FAM184B: variants seen among roughly 807,000 people sequenced by gnomAD.
FAM184B encodes protein FAM184B.
In FAM184B, 111 loss-of-function variants were observed where a neutral mutation model predicts 135.9. The ratio of observed to expected loss-of-function variants is 0.82; its 90% confidence interval spans 0.70 to 0.96. The LOEUF is 0.96. Ranked by LOEUF, FAM184B falls within the 40% of genes least tolerant of loss-of-function variation. The pLI is 0.00. For missense variants in FAM184B, 1,375 were observed against 1,323.9 expected (o/e 1.04, Z -0.60); for synonymous variants, 552 against 524.8 (o/e 1.05, Z -0.71).
chr4:17,763,510 T>C lies in FAM184B; in HGVS notation c.141+17649A>G, dbSNP rs573491301. ...ATTTGATAGGCTTCCTTGGGACAAA[T>C]AGGCCCCGCTCCAGGGGTCTAGGAC... On this transcript the variant is annotated intron_variant, in intron 1 of 17. Coordinates refer to ENST00000265018, the MANE Select transcript of FAM184B (RefSeq NM_015688.2). Among the ~76,000 whole-genome samples, 4 of 152,236 alleles carry C rather than the reference T, an allele frequency of 2.6e-5. No homozygotes were observed. In the South Asian group the frequency reaches 6.2e-4, roughly 24 times the overall value.
At chr4:17,690,968 T>G (rs1716718709) in intron 6 of FAM184B, among the ~76,000 whole-genome samples, 1 of 152,128 alleles carries the variant, frequency 6.6e-6, no homozygotes, top group Admixed American at 6.6e-5. Flanking sequence ...TGGGGACAGA[T>G]TGTAGCATCA....
chr4:17,634,409 C>T (rs3846358), intron 16 of FAM184B, among the ~76,000 whole-genome samples: 79,934 of 152,018 alleles, frequency 0.53, 23,653 homozygotes, highest in East Asian at 0.88. Context: ...CTGCAACCTC[C>T]GCCTCCTGGG....
chr4:17,699,834 G>A (rs1014153840), intron 5 of FAM184B, among the ~76,000 whole-genome samples: 7 of 152,010 alleles, frequency 4.6e-5, no homozygotes, highest in African/African-American at 1.2e-4. Context: ...ATGGTTGTCC[G>A]TTTAAGCAAA....
intron 1 of FAM184B, among the ~76,000 whole-genome samples, chr4:17,718,132 G>C (rs1717437916): frequency 6.6e-6 from 1 of 152,276 alleles, no homozygotes; most frequent in South Asian, 2.1e-4. Context: ...GGAGAGTTTT[G>C]TTTGGAGATC....
intron 16 of FAM184B, among the ~76,000 whole-genome samples, chr4:17,634,721 A>G (rs1299675311): frequency 6.6e-6 from 1 of 152,226 alleles, no homozygotes; most frequent in Non-Finnish European, 1.5e-5. Flanking sequence ...ATGTACAGAA[A>G]TAGTTAAGAA....
intron 1 of FAM184B, among the ~76,000 whole-genome samples, chr4:17,776,160 G>T (rs73239862): frequency 2.0e-5 from 3 of 152,186 alleles, no homozygotes; most frequent in Non-Finnish European, 4.4e-5. Flanking sequence ...CAGGTGTAAA[G>T]TATTATGAAT....
At chr4:17,636,412 T>TA (rs1402328545) in intron 15 of FAM184B, 116 bp downstream of exon 15, 1 of 818,494 alleles carries the variant, frequency 1.2e-6, no homozygotes, top group African/African-American at 1.7e-5. Context: ...AAGAAAGGAT[T>TA]CTTTGTAAGA....
At chr4:17,703,787 T>C (rs533574029) in intron 5 of FAM184B, among the ~76,000 whole-genome samples, 145 of 151,900 alleles carry the variant, frequency 9.5e-4, no homozygotes, top group African/African-American at 3.2e-3. Context: ...AAAAATTAGC[T>C]GGGTGTGGTG....
chr4:17,736,244 G>A lies in FAM184B; in HGVS notation c.142-26600C>T, dbSNP rs188497836. Among the ~76,000 whole-genome samples the A allele has an allele frequency of 2.4e-4, 36 of 152,228 alleles. No individual in the cohort carries two copies. In the East Asian group the frequency reaches 5.4e-3, roughly 23 times the overall value. On this transcript the variant is annotated intron_variant, in intron 1 of 17. Transcript: ENST00000265018. The stretch of plus-strand genomic sequence containing the variant: ...AACAACAGAACTAGGATTCTGTTCC[G>A]TCTGACTCCACAGCCTGTGTTCTTA...
intron 13 of FAM184B, among the ~76,000 whole-genome samples, chr4:17,641,721 A>C (rs1715322399): frequency 7.6e-6 from 1 of 131,592 alleles, no homozygotes; most frequent in Admixed American, 8.9e-5. Context: ...GCTGGTCTCG[A>C]ATTCCTGACC....
intron 7 of FAM184B, among the ~76,000 whole-genome samples, chr4:17,670,136 C>T (rs576530537): frequency 6.6e-6 from 1 of 152,182 alleles, no homozygotes; most frequent in East Asian, 1.9e-4. Flanking sequence ...AACTCTGGGA[C>T]ACAGATAAGA....
At position 17,631,418 on chromosome 4, in the gene FAM184B, G is replaced by GC. The variant is rs777834784; in HGVS notation, c.*1113dup. ...GGCCTCAAGCTCTCCTCCCATCTCA[G>GC]CCTCCCAAAGTGTTGGGATTACAGG... is the stretch of plus-strand genomic sequence containing the variant. On this transcript the variant is annotated 3_prime_UTR_variant, in exon 18 of 18. Coordinates refer to ENST00000265018, the MANE Select transcript of FAM184B (RefSeq NM_015688.2). 2.0e-5 allele frequency: 3 copies of GC among 152,196 alleles called. No individual in the cohort carries two copies. The highest frequency in any genetic ancestry group is 2.9e-5 in the Non-Finnish European group (2 of 68,122). The allele number at this position is 152,196 out of a possible 1,614,324, so 9.4% of individuals were successfully genotyped here. A position where few individuals can be genotyped will look rare whatever the true frequency, so the allele number is the denominator to read the frequency against.
At position 17,666,469 on chromosome 4, in the gene FAM184B, C is replaced by CTTTTTTT. The variant is rs386399397; in HGVS notation, c.1597-1817_1597-1811dup. On this transcript the variant is annotated intron_variant, in intron 7 of 17. Coordinates refer to ENST00000265018, the MANE Select transcript of FAM184B (RefSeq NM_015688.2). Reference sequence around the variant, plus strand: ...CAGGTGCATGCCACTGTGCCTGGTTCTTTTTTTTTTTTTTTTTTTTTTTTT... The same window carrying CTTTTTTT: ...CAGGTGCATGCCACTGTGCCTGGTTCTTTTTTTTTTTTTTTTTTTTTTTTTTTTTTTT... 3.3e-4 allele frequency among the ~76,000 whole-genome samples: 19 copies of CTTTTTTT among 57,136 alleles called. 1 individual carries two copies. The highest frequency in any genetic ancestry group is 4.1e-4 in the Non-Finnish European group (14 of 34,170). The allele number at this position is 57,136 out of a possible 152,430, so 37.5% of individuals were successfully genotyped here.
intron 1 of FAM184B, among the ~76,000 whole-genome samples, chr4:17,750,286 G>A (rs1399476938): frequency 6.6e-6 from 1 of 152,032 alleles, no homozygotes; most frequent in Non-Finnish European, 1.5e-5. Context: ...TTTACTGTTG[G>A]CAAAAATCAT....
At chr4:17,721,114 G>A (rs1374191181) in intron 1 of FAM184B, among the ~76,000 whole-genome samples, 1 of 151,530 alleles carries the variant, frequency 6.6e-6, no homozygotes, top group African/African-American at 2.4e-5. Context: ...GCTGGGCGCG[G>A]TGGCTTACGC....
intron 1 of FAM184B, among the ~76,000 whole-genome samples, chr4:17,756,485 A>T (rs899655631): frequency 6.6e-6 from 1 of 152,228 alleles, no homozygotes; most frequent in Admixed American, 6.5e-5. Flanking sequence ...TGGAGGATGT[A>T]AGGAAAATAA....
At chr4:17,634,883 G>T in intron 16 of FAM184B, 126 bp downstream of exon 16, 1 of 572,978 alleles carries the variant, frequency 1.7e-6, no homozygotes, top group African/African-American at 2.1e-5. Flanking sequence ...TAAACAAGTG[G>T]GTTTTTTTTT....
chr4:17,780,647 C>T (rs1055416723), intron 1 of FAM184B, among the ~76,000 whole-genome samples: 2 of 152,104 alleles, frequency 1.3e-5, no homozygotes, highest in Non-Finnish European at 2.9e-5. Flanking sequence ...CTCCTACACA[C>T]GTCTGCACCC....
chr4:17,649,393 G>A (rs1409114067), intron 11 of FAM184B, among the ~76,000 whole-genome samples: 2 of 151,564 alleles, frequency 1.3e-5, no homozygotes, highest in African/African-American at 2.4e-5. Context: ...GACCATACTG[G>A]CTAACATGGT....
Sources: gnomAD v4.1 joint callset for allele counts (sites outside exome capture counted in the v4.1 genomes callset) on GRCh38, gnomAD v4.1.1 for gene constraint, MANE v1.5 for transcripts, NCBI Gene and HGNC (gene_info 2026-07-23, HGNC 2026-07-21) for gene names.